Variants in RFX3 observed in about 807,000 individuals in gnomAD.
RFX3 encodes the protein transcription factor RFX3.
In RFX3, 14 loss-of-function variants were observed where a neutral mutation model predicts 98.6. The ratio of observed to expected loss-of-function variants is 0.14; its 90% CI spans 0.09 to 0.22. RFX3 has a LOEUF of 0.22. Among genes scored for constraint, RFX3 ranks in the 10% least tolerant of loss-of-function variants. The pLI is 1.00. For synonymous variants in RFX3, 383 were observed against 328.4 expected (o/e 1.17, Z -1.80); for missense variants, 639 against 926.9 (o/e 0.69, Z 4.03).
chr9:3,495,158 G>T (rs564204401), intron 1 of RFX3, among the ~76,000 whole-genome samples: 4 of 151,450 alleles, frequency 2.6e-5, no homozygotes, highest in Non-Finnish European at 4.4e-5. Flanking sequence ...ACCATTCAAA[G>T]TGCTCAGAAT....
intron 2 of RFX3, among the ~76,000 whole-genome samples, chr9:3,369,775 G>C (rs1837593637): frequency 6.6e-6 from 1 of 152,008 alleles, no homozygotes; most frequent in South Asian, 2.1e-4. Context: ...GACTAATTTG[G>C]GGCTCAATTA....
At chr9:3,267,120 A>G (rs1302960435) in intron 11 of RFX3, among the ~76,000 whole-genome samples, 1 of 151,992 alleles carries the variant, frequency 6.6e-6, no homozygotes, top group Non-Finnish European at 1.5e-5. Context: ...TGAGATTGCT[A>G]TATAGTAGGA....
chr9:3,425,470 C>T (rs1843924243), intron 1 of RFX3, among the ~76,000 whole-genome samples: 2 of 152,152 alleles, frequency 1.3e-5, no homozygotes, highest in Admixed American at 6.5e-5. Flanking sequence ...CCTTATGATT[C>T]AACATTTTAA....
At chr9:3,267,211 T>A (rs1823766820) in intron 11 of RFX3, among the ~76,000 whole-genome samples, 1 of 151,980 alleles carries the variant, frequency 6.6e-6, no homozygotes, top group South Asian at 2.1e-4. Context: ...CATAGTAATG[T>A]AGAGGAAAAT....
chr9:3,273,896 G>C (rs1438480743), intron 9 of RFX3, among the ~76,000 whole-genome samples: 1 of 151,738 alleles, frequency 6.6e-6, no homozygotes, highest in Non-Finnish European at 1.5e-5. Context: ...ATATAGGCTG[G>C]TTTGCTTAAA....
At position 3,499,841 on chromosome 9, in the gene RFX3, C is replaced by T. The variant is rs545475000; in HGVS notation, c.-9+25906G>A. The stretch of plus-strand genomic sequence containing the variant: ...GGATATTTTTGCTATATTAATATTA[C>T]CTGCAACTTTGGAAAGTTAATTTTT... On this transcript the variant is annotated intron_variant, in intron 1 of 16. Transcript: ENST00000617270. 3.9e-5 allele frequency among the ~76,000 whole-genome samples: 6 copies of T among 152,174 alleles called. 1 individual carries two copies. The South Asian group carries it at 1.2e-3, about 32-fold the overall frequency.
chr9:3,234,398 G>A (rs576571957), intron 15 of RFX3, among the ~76,000 whole-genome samples: 1 of 152,278 alleles, frequency 6.6e-6, no homozygotes, highest in African/African-American at 2.4e-5. Context: ...TAGCACTTTG[G>A]GAAGCACAGG....
chr9:3,513,642 G>A (rs866225887), intron 1 of RFX3, among the ~76,000 whole-genome samples: 9 of 152,074 alleles, frequency 5.9e-5, no homozygotes, highest in Non-Finnish European at 5.9e-5. Context: ...AGTTTATCAC[G>A]GGCAGTAGGA....
chr9:3,247,983 G>T (rs750661961), intron 15 of RFX3, 49 bp downstream of exon 15: 5 of 1,613,878 alleles, frequency 3.1e-6, no homozygotes, highest in Non-Finnish European at 4.2e-6. Flanking sequence ...TGTAATTCTG[G>T]CTTATTTTTA....
At chr9:3,456,416 T>C (rs1847156812) in intron 1 of RFX3, among the ~76,000 whole-genome samples, 1 of 152,222 alleles carries the variant, frequency 6.6e-6, no homozygotes, top group African/African-American at 2.4e-5. Flanking sequence ...TCATTTCAGA[T>C]GGCTAAGCTT....
rs574377304 is a variant in RFX3, at chr9:3,428,857, A to G, written c.-8-33261T>C. ...ATTTTTGCCAAGGATGAGTTTCTCAATTGTTCTAGATACTAGATATTCTCA... is the reference window on the plus strand; with the variant it reads ...ATTTTTGCCAAGGATGAGTTTCTCAGTTGTTCTAGATACTAGATATTCTCA... On this transcript the variant is annotated intron_variant, in intron 1 of 16. Transcript: ENST00000617270. Among the ~76,000 whole-genome samples, 14 of 152,266 alleles carry G rather than the reference A, an allele frequency of 9.2e-5. No individual in the cohort carries two copies. In the South Asian group the frequency reaches 2.7e-3, roughly 29 times the overall value.
intron 3 of RFX3, among the ~76,000 whole-genome samples, chr9:3,339,252 A>G (rs941411213): frequency 6.6e-6 from 1 of 152,188 alleles, no homozygotes; most frequent in Non-Finnish European, 1.5e-5. Context: ...AAAAAGATAT[A>G]CATAGTCAGT....
chr9:3,346,588 G>C, intron 3 of RFX3, 79 bp downstream of exon 3: 1 of 856,246 alleles, frequency 1.2e-6, no homozygotes, highest in East Asian at 2.4e-5. Flanking sequence ...AAACAATCTG[G>C]GAATAGTGGG....
In RFX3 at chr9:3,506,863, T is replaced by C. The variant is rs147192469; in HGVS notation, c.-9+18884A>G. On this transcript the variant is annotated intron_variant, in intron 1 of 16. Coordinates refer to ENST00000617270, the MANE Select transcript of RFX3 (RefSeq NM_001282116.2). ...TCATGAATTCATGCCATTAAATTCA[T>C]TTTGGAAAAAAAAGAAGTAAATAAA... Among the ~76,000 whole-genome samples, 21 of 151,962 alleles carry C rather than the reference T, an allele frequency of 1.4e-4. No homozygotes were observed. The East Asian group carries it at 4.1e-3, about 29-fold the overall frequency.
chr9:3,320,149 T>C (rs1370328519), intron 4 of RFX3, among the ~76,000 whole-genome samples: 1 of 152,222 alleles, frequency 6.6e-6, no homozygotes, highest in East Asian at 1.9e-4. Flanking sequence ...TGTATAATCA[T>C]TAAGAGCTTG....
At chr9:3,355,003 T>C (rs1248079951) in intron 2 of RFX3, among the ~76,000 whole-genome samples, 1 of 151,888 alleles carries the variant, frequency 6.6e-6, no homozygotes, top group Non-Finnish European at 1.5e-5. Flanking sequence ...AATACTCTTT[T>C]ATAATATTCA....
intron 1 of RFX3, among the ~76,000 whole-genome samples, chr9:3,415,003 T>C (rs1261920644): frequency 1.4e-5 from 2 of 138,596 alleles, no homozygotes; most frequent in South Asian, 2.2e-4. Context: ...TATATACTTA[T>C]ATATACTCAT....
intron 1 of RFX3, among the ~76,000 whole-genome samples, chr9:3,409,675 A>T (rs1842290705): frequency 6.6e-6 from 1 of 152,240 alleles, no homozygotes; most frequent in Admixed American, 6.5e-5. Context: ...CAGCAAATTT[A>T]TGTTTCAGCA....
At chr9:3,409,702 ACTAT>A (rs1367366982) in intron 1 of RFX3, among the ~76,000 whole-genome samples, 1 of 152,208 alleles carries the variant, frequency 6.6e-6, no homozygotes. Context: ...TTTTAAAAAA[ACTAT>A]CTATTCAGTG....
Sources: allele counts gnomAD v4.1 joint callset (sites outside exome capture counted in the v4.1 genomes callset), GRCh38; gene constraint gnomAD v4.1.1; transcripts MANE v1.5; gene names NCBI Gene and HGNC (gene_info 2026-07-23, HGNC 2026-07-21).